Variants in SLC30A8 observed in about 807,000 individuals in gnomAD.
SLC30A8 encodes the protein proton-coupled zinc antiporter SLC30A8.
Under a neutral mutation model 36.9 loss-of-function variants are expected in SLC30A8, and 27 were observed. That is an observed-to-expected ratio of 0.73 (90% CI 0.54 to 1.01). The LOEUF is 1.01. SLC30A8 is among the 50% of genes least tolerant of loss of function. The pLI is 0.00. For synonymous variants in SLC30A8, 164 were observed against 172.4 expected, an observed-to-expected ratio of 0.95 and a Z score of 0.38; for missense variants, 439 against 452.0, an observed-to-expected ratio of 0.97 and a Z score of 0.26.
intron 2 of SLC30A8, among the ~76,000 whole-genome samples, chr8:117,119,188 G>A (rs964134015): frequency 6.6e-6 from 1 of 151,854 alleles, no homozygotes; most frequent in Non-Finnish European, 1.5e-5. Context: ...GAGATACTGT[G>A]AGGCTAGCAG....
chr8:117,010,400 C>G (rs1297114572), intron 1 of SLC30A8, among the ~76,000 whole-genome samples: 1 of 152,106 alleles, frequency 6.6e-6, no homozygotes, highest in Non-Finnish European at 1.5e-5. Context: ...GCTCCACGGC[C>G]TAGTAGTTGT....
At chr8:117,086,263 TC>T (rs1818872324) in intron 2 of SLC30A8, among the ~76,000 whole-genome samples, 1 of 152,090 alleles carries the variant, frequency 6.6e-6, no homozygotes, top group Admixed American at 6.6e-5. Flanking sequence ...AGATGAACAC[TC>T]CCGTTAGGGC....
chr8:117,163,608 C>T, intron 6 of SLC30A8, 78 bp downstream of exon 6: 1 of 991,588 alleles, frequency 1.0e-6, no homozygotes, highest in Non-Finnish European at 1.5e-6. Flanking sequence ...GGCTACAAGG[C>T]ATGCTCACTG....
At chr8:117,146,815 G>A in intron 1 of SLC30A8, 139 bp from the exon 2 acceptor site, 1 of 1,442,230 alleles carries the variant, frequency 6.9e-7, no homozygotes, top group Non-Finnish European at 9.1e-7. Context: ...ATATTTTCTT[G>A]TAGAAGGAGC....
chr8:117,046,456 T>G (rs553277407), intron 2 of SLC30A8, among the ~76,000 whole-genome samples: 17 of 152,310 alleles, frequency 1.1e-4, no homozygotes, highest in African/African-American at 4.1e-4. Context: ...AGAATATACC[T>G]GACACAGAGT....
At chr8:117,022,648 T>C (rs1234190009) in intron 1 of SLC30A8, among the ~76,000 whole-genome samples, 1 of 152,186 alleles carries the variant, frequency 6.6e-6, no homozygotes, top group African/African-American at 2.4e-5. Context: ...TTTTAATAAA[T>C]GGTGCTGGGA....
intron 4 of SLC30A8, among the ~76,000 whole-genome samples, chr8:117,160,128 A>G (rs1243466093): frequency 6.6e-6 from 1 of 152,216 alleles, no homozygotes; most frequent in African/African-American, 2.4e-5. Flanking sequence ...CGGAATTGCG[A>G]TTCAGGAATA....
chr8:116,972,717 A>G (rs1382481089), intron 1 of SLC30A8, among the ~76,000 whole-genome samples: 2 of 152,236 alleles, frequency 1.3e-5, no homozygotes, highest in Non-Finnish European at 1.5e-5. Flanking sequence ...ATTTTACTCA[A>G]GTGGTCAGAG....
chr8:117,047,182 A>G (rs565020489), intron 2 of SLC30A8, among the ~76,000 whole-genome samples: 62 of 152,288 alleles, frequency 4.1e-4, no homozygotes, highest in Admixed American at 1.3e-3. Context: ...GTGGATGGGT[A>G]ATGTAGTCAT....
At chr8:117,095,765 T>C (rs1819334004) in intron 2 of SLC30A8, among the ~76,000 whole-genome samples, 1 of 152,222 alleles carries the variant, frequency 6.6e-6, no homozygotes, top group Admixed American at 6.5e-5. Flanking sequence ...ATGTGAATGA[T>C]GCAAAACAGA....
At chr8:116,984,931 G>A (rs762091664) in intron 1 of SLC30A8, among the ~76,000 whole-genome samples, 59 of 151,676 alleles carry the variant, frequency 3.9e-4, no homozygotes, top group African/African-American at 1.3e-3. Flanking sequence ...CTTTTCTGGC[G>A]TTAGAAAGTA....
chr8:117,160,431 G>GTGTGCGCGCACA (rs1344200582), intron 4 of SLC30A8, among the ~76,000 whole-genome samples: 1 of 145,606 alleles, frequency 6.9e-6, no homozygotes, highest in South Asian at 2.1e-4. Context: ...GTGTGTGTGT[G>GTGTGCGCGCACA]TGTGCGCGCA....
At chr8:116,977,955 T>C (rs1037303677) in intron 1 of SLC30A8, among the ~76,000 whole-genome samples, 6 of 151,900 alleles carry the variant, frequency 3.9e-5, no homozygotes, top group Non-Finnish European at 7.4e-5. Context: ...GAACGTTCCT[T>C]TTCTTCCCTT....
chr8:116,952,423 C>T (rs182699762), intron 1 of SLC30A8, among the ~76,000 whole-genome samples: 18 of 152,116 alleles, frequency 1.2e-4, no homozygotes, highest in African/African-American at 4.1e-4. Flanking sequence ...CATCATGGCC[C>T]CTCACCCCAA....
At chr8:117,025,714 C>A (rs1262943952) in intron 1 of SLC30A8, among the ~76,000 whole-genome samples, 1 of 152,174 alleles carries the variant, frequency 6.6e-6, no homozygotes, top group East Asian at 1.9e-4. Context: ...ACAGGAACCA[C>A]AGCTCTTGAA....
At chr8:116,970,603 CAGTA>C (rs1263089897) in intron 1 of SLC30A8, among the ~76,000 whole-genome samples, 1 of 152,150 alleles carries the variant, frequency 6.6e-6, no homozygotes, top group Admixed American at 6.6e-5. Flanking sequence ...GCTATGATGT[CAGTA>C]AGCTATAGGG....
intron 2 of SLC30A8, among the ~76,000 whole-genome samples, chr8:117,090,692 T>C (rs1819079750): frequency 6.6e-6 from 1 of 152,230 alleles, no homozygotes; most frequent in Non-Finnish European, 1.5e-5. Context: ...GGATTAAGAT[T>C]TGAGCATATG....
chr8:117,140,844 G>A (rs1466200847), intron 1 of SLC30A8, among the ~76,000 whole-genome samples: 1 of 152,072 alleles, frequency 6.6e-6, no homozygotes, highest in Non-Finnish European at 1.5e-5. Flanking sequence ...AATAATGTGG[G>A]TAATTATAAA....
chr8:117,032,875 A>C (rs963511567), intron 1 of SLC30A8, among the ~76,000 whole-genome samples: 10 of 151,870 alleles, frequency 6.6e-5, no homozygotes, highest in Admixed American at 4.6e-4. Flanking sequence ...GGGTGACAAC[A>C]GCGAGACTCT....
Sources: allele counts gnomAD v4.1 joint callset (sites outside exome capture counted in the v4.1 genomes callset), GRCh38; gene constraint gnomAD v4.1.1; transcripts MANE v1.5; gene names NCBI Gene and HGNC (gene_info 2026-07-23, HGNC 2026-07-21).